Variants in ATRIP observed in about 807,000 individuals in gnomAD.
ATRIP encodes the protein ATR-interacting protein.
ATRIP carries 44 observed loss-of-function variants against 78.1 expected under a neutral mutation model. The ratio of observed to expected loss-of-function variants is 0.56; its 90% confidence interval spans 0.44 to 0.72. ATRIP has a LOEUF of 0.72. ATRIP is among the 30% of genes least tolerant of loss of function. The pLI, the probability that ATRIP is intolerant of heterozygous loss-of-function variation, is 0.00. For synonymous variants in ATRIP, 388 were observed against 408.9 expected, an observed-to-expected ratio of 0.95 and a Z score of 0.62; for missense variants, 927 against 980.2, an observed-to-expected ratio of 0.95 and a Z score of 0.72.
intron 1 of ATRIP, among the ~76,000 whole-genome samples, chr3:48,447,675 G>C (rs1489055854): frequency 6.6e-6 from 1 of 152,172 alleles, no homozygotes; most frequent in African/African-American, 2.4e-5. Context: ...GTGAAGTCTT[G>C]AGGACTCCCA....
intron 8 of ATRIP, 38 bp from the exon 9 acceptor site, chr3:48,463,707 T>A: frequency 6.2e-7 from 1 of 1,612,610 alleles, no homozygotes. Context: ...GAGCTGGGGT[T>A]GGGGAGTGTC....
chr3:48,461,070 C>T (rs2040095455), intron 8 of ATRIP, among the ~76,000 whole-genome samples: 1 of 152,200 alleles, frequency 6.6e-6, no homozygotes, highest in African/African-American at 2.4e-5. Context: ...GAGGAGGGCC[C>T]TGCCCCAGGA....
chr3:48,457,273 C>T lies in ATRIP; in HGVS notation c.686C>T (p.Pro229Leu), dbSNP rs1297158554. 1 of 1,583,696 alleles carries T rather than the reference C, an allele frequency of 6.3e-7. No homozygotes were observed. The highest frequency in any genetic ancestry group is 1.8e-5 in the Admixed American group (1 of 54,876). Reference sequence around the variant, plus strand: ...ACTTTTTCCAGTCCTAGGAAAAACCCTTCTGTGGTTATAAAGCCAGAAGCA... The same window carrying T: ...ACTTTTTCCAGTCCTAGGAAAAACCTTTCTGTGGTTATAAAGCCAGAAGCA... ...SVSHVSPRKN[P>L]SVVIKPEACS... The change falls in exon 5 of 13, where the codon CCT becomes CTT. Residue 229 changes from proline (P) to leucine (L), a missense_variant. Physicochemically the swap from Pro to Leu is moderately conservative, Grantham distance 98 (BLOSUM62 -3). Transcript: ENST00000320211.
At chr3:48,452,024 C>T (rs773462495) in intron 3 of ATRIP, 125 bp downstream of exon 3, 2 of 939,214 alleles carry the variant, frequency 2.1e-6, no homozygotes, top group African/African-American at 3.4e-5. Flanking sequence ...CTGCTATCAT[C>T]TCATTGCCAT....
At chr3:48,447,356 G>C (rs985290720) in intron 1 of ATRIP, 2 of 1,140,654 alleles carry the variant, frequency 1.8e-6, no homozygotes, top group African/African-American at 3.2e-5. Flanking sequence ...AGGCCACTTG[G>C]TTCTTGGTTC....
rs774352067 is a variant in ATRIP, at chr3:48,467,204, C to T, written c.*1650C>T. The T allele has an allele frequency of 6.2e-7, 1 of 1,614,032 alleles. No homozygotes were observed. The highest frequency in any genetic ancestry group is 2.2e-5 in the East Asian group (1 of 44,884). On this transcript the variant is annotated 3_prime_UTR_variant, in exon 13 of 13. Transcript: ENST00000320211. ...AGAGCTATAGCCTAGGCAGCATCTA[C>T]ACTCGCCTGTATGGGCAGTCCCCTC...
intron 2 of ATRIP, chr3:48,450,487 T>A: frequency 3.1e-6 from 4 of 1,291,932 alleles, no homozygotes; most frequent in Non-Finnish European, 4.0e-6. Flanking sequence ...CTATTTTCAT[T>A]AGCAGCTTTG....
chr3:48,463,974 G>T (rs933361257), intron 9 of ATRIP, 67 bp from the exon 10 acceptor site: 3 of 1,602,654 alleles, frequency 1.9e-6, no homozygotes, highest in Non-Finnish European at 1.7e-6. Context: ...GAGGGCTTCT[G>T]CAGTATGTAG....
Position 48,467,001 on chromosome 3 carries a change from C to T in ATRIP, c.*1447C>T. On this transcript the variant is annotated 3_prime_UTR_variant, in exon 13 of 13. Transcript: ENST00000320211. ...GCTCCTAGCCTTCCTGCGGCGCCAG[C>T]CACAGCCCTGGTGCCTGGTGGCACA... 6.2e-7 allele frequency: 1 copy of T among 1,613,748 alleles called. No homozygotes were observed. Among genetic ancestry groups the T allele is most frequent in the Non-Finnish European group, 8.5e-7 (1 of 1,180,036 alleles).
In ATRIP at chr3:48,446,839, G is replaced by A; in HGVS notation, c.-7G>A. Reference sequence around the variant, plus strand: ...GCGCTGTCGGATACTTGGGGTGAGCGGAAAGCATGGCGGGGACCTCCGCGC... The same window carrying A: ...GCGCTGTCGGATACTTGGGGTGAGCAGAAAGCATGGCGGGGACCTCCGCGC... On this transcript the variant is annotated 5_prime_UTR_variant, in exon 1 of 13. Transcript: ENST00000320211. 2.1e-6 allele frequency: 3 copies of A among 1,398,588 alleles called. No homozygotes were observed. The highest frequency in any genetic ancestry group is 2.8e-6 in the Non-Finnish European group (3 of 1,077,008). The allele number at this position is 1,398,588 out of a possible 1,614,324, so 86.6% of individuals were successfully genotyped here.
intron 8 of ATRIP, chr3:48,461,316 A>G (rs1226452553): frequency 6.6e-6 from 1 of 152,582 alleles, no homozygotes; most frequent in African/African-American, 2.4e-5. Context: ...TAGTGAACCT[A>G]GCGAATGAAC....
In ATRIP at chr3:48,464,092, G is replaced by C. The variant is rs746053869; in HGVS notation, c.1934G>C (p.Arg645Thr). 2 of 1,613,918 alleles carry C rather than the reference G, an allele frequency of 1.2e-6. No individual in the cohort carries two copies. Among genetic ancestry groups the C allele is most frequent in the Non-Finnish European group, 1.7e-6 (2 of 1,180,044 alleles). ...LYMYITSRPD[R>T]VALETQWLQL... ...ATGTACATCACATCACGGCCTGACA[G>C]AGTGGCCTTGGAGACACAATGGCTC... The change falls in exon 10 of 13, where the codon AGA becomes ACA. Residue 645 changes from arginine (R) to threonine (T), a missense_variant. Physicochemically the swap from Arg to Thr is moderately conservative, Grantham distance 71. Coordinates refer to ENST00000320211, the MANE Select transcript of ATRIP (RefSeq NM_130384.3).
In ATRIP at chr3:48,463,761, C is replaced by T. The variant is rs755593822; in HGVS notation, c.1762C>T (p.Gln588Ter). The T allele has an allele frequency of 6.2e-7, 1 of 1,614,146 alleles. No individual in the cohort carries two copies. Among genetic ancestry groups the T allele is most frequent in the East Asian group, 2.2e-5 (1 of 44,890 alleles). Residue 588 changes from glutamine to a stop codon, truncating the protein, a stop_gained, in exon 9 of 13, where the codon CAA becomes TAA. Transcript: ENST00000320211. LOFTEE classifies it high-confidence loss of function. ...GTCTTTTAGGTTCCAGTGTGTGTTC[C>T]AAGTGCTGCCAAAGTGCCTCAGCCC... ...DFLPRFQCVF[Q>*]VLPKCLSPET...
intron 8 of ATRIP, among the ~76,000 whole-genome samples, chr3:48,461,694 T>C (rs1320750103): frequency 2.6e-5 from 4 of 151,778 alleles, no homozygotes; most frequent in Admixed American, 6.6e-5. Context: ...TTTGTTGTTG[T>C]TTATTTGTTT....
chr3:48,453,883 G>A (rs1210072873), intron 3 of ATRIP, among the ~76,000 whole-genome samples: 1 of 152,160 alleles, frequency 6.6e-6, no homozygotes, highest in Non-Finnish European at 1.5e-5. Context: ...AGGATTCAAA[G>A]ACATTAAATA....
intron 10 of ATRIP, among the ~76,000 whole-genome samples, chr3:48,464,373 G>C (rs2040207155): frequency 6.6e-6 from 1 of 152,226 alleles, no homozygotes; most frequent in Non-Finnish European, 1.5e-5. Context: ...CGTGGGGGCA[G>C]AATAGGGGGC....
At chr3:48,456,151 A>C (rs980242908) in intron 4 of ATRIP, among the ~76,000 whole-genome samples, 4 of 151,990 alleles carry the variant, frequency 2.6e-5, no homozygotes, top group Admixed American at 1.3e-4. Flanking sequence ...CACATTGAAA[A>C]GATGTTTTGC....
chr3:48,453,735 C>T (rs1009028090), intron 3 of ATRIP, among the ~76,000 whole-genome samples: 2 of 152,208 alleles, frequency 1.3e-5, no homozygotes, highest in Non-Finnish European at 2.9e-5. Flanking sequence ...TGCACCAGTG[C>T]GTTCGTTAAT....
At chr3:48,448,127 CTGGCTG>C (rs976558233) in intron 1 of ATRIP, among the ~76,000 whole-genome samples, 14 of 149,556 alleles carry the variant, frequency 9.4e-5, no homozygotes, top group African/African-American at 3.5e-4. Context: ...AAACTCAAAT[CTGGCTG>C]TGTCTTACAC....
Sources: allele counts gnomAD v4.1 joint callset (sites outside exome capture counted in the v4.1 genomes callset), GRCh38; gene constraint gnomAD v4.1.1; transcripts MANE v1.5; gene names NCBI Gene and HGNC (gene_info 2026-07-23, HGNC 2026-07-21).